Variants in FAM47E observed in about 807,000 individuals in gnomAD.
FAM47E encodes protein FAM47E.
Under a neutral mutation model 41.6 loss-of-function variants are expected in FAM47E, and 32 were observed. The ratio of observed to expected loss-of-function variants is 0.77; its 90% CI spans 0.58 to 1.03. FAM47E has a LOEUF of 1.03. Ranked by LOEUF, FAM47E falls within the 50% of genes least tolerant of loss-of-function variation. The pLI is 0.00. For missense variants in FAM47E, 424 were observed against 485.4 expected, an observed-to-expected ratio of 0.87 and a Z score of 1.19; for synonymous variants, 184 against 188.7, an observed-to-expected ratio of 0.98 and a Z score of 0.20.
intron 5 of FAM47E, among the ~76,000 whole-genome samples, chr4:76,274,272 G>C (rs761664044): frequency 1.3e-5 from 2 of 152,160 alleles, no homozygotes; most frequent in Non-Finnish European, 2.9e-5. Context: ...TTTGAGTTTT[G>C]CTTTTAAGAT....
chr4:76,235,149 C>T (rs1733562719), intron 2 of FAM47E, among the ~76,000 whole-genome samples: 1 of 152,060 alleles, frequency 6.6e-6, no homozygotes, highest in African/African-American at 2.4e-5. Flanking sequence ...AAACCCGTCC[C>T]TACTAAAAAA....
Position 76,268,746 on chromosome 4 carries a change from C to A in FAM47E, c.647C>A (p.Pro216His). The A allele has an allele frequency of 6.4e-7, 1 of 1,551,412 alleles. No individual in the cohort carries two copies. The highest frequency in any genetic ancestry group is 1.2e-5 in the South Asian group (1 of 84,032). Residue 216 changes from proline to histidine, a missense_variant, in exon 4 of 8, where the codon CCT (proline) becomes CAT (histidine). By Grantham distance (77) the Pro-to-His change is moderately conservative. Coordinates refer to ENST00000424749, the MANE Select transcript of FAM47E (RefSeq NM_001136570.3). ...ATGGATTTGCTCCATGAAAATGGTC[C>A]TCGTCCTGGTCTTCATGAAAATGTA... ...HKMDLLHENG[P>H]RPGLHENGIS...
At chr4:76,227,924 T>C (rs1409761616) in intron 2 of FAM47E, among the ~76,000 whole-genome samples, 1 of 152,236 alleles carries the variant, frequency 6.6e-6, no homozygotes, top group Non-Finnish European at 1.5e-5. Flanking sequence ...TGATTTCTTA[T>C]GCATTAGGTG....
chr4:76,268,585 G>C (rs1734743824), intron 3 of FAM47E, 75 bp from the exon 4 acceptor site: 5 of 1,419,934 alleles, frequency 3.5e-6, no homozygotes, highest in Non-Finnish European at 4.7e-6. Flanking sequence ...ATTTCCTTTT[G>C]CCTCTAAAAC....
intron 7 of FAM47E, chr4:76,282,073 T>C (rs1048777219): frequency 3.5e-5 from 4 of 115,376 alleles, no homozygotes; most frequent in African/African-American, 5.8e-5. Flanking sequence ...CATTTGTATG[T>C]AGAAGTACAG....
At chr4:76,262,461 A>G (rs1204797638) in intron 2 of FAM47E, among the ~76,000 whole-genome samples, 3 of 152,104 alleles carry the variant, frequency 2.0e-5, no homozygotes, top group East Asian at 1.9e-4. Flanking sequence ...ATTTTTTACA[A>G]TTCACTATGT....
At chr4:76,260,996 A>C (rs1333705972) in intron 2 of FAM47E, among the ~76,000 whole-genome samples, 3 of 152,114 alleles carry the variant, frequency 2.0e-5, no homozygotes. Context: ...AAAAAAAAAA[A>C]GTGTACAAAG....
At chr4:76,263,631 G>A (rs201506788) in intron 2 of FAM47E, 73 bp from the exon 3 acceptor site, 1 of 1,512,154 alleles carries the variant, frequency 6.6e-7, no homozygotes, top group South Asian at 1.3e-5. Flanking sequence ...AAGTTGGTCT[G>A]TTTTGTTGTA....
chr4:76,246,128 G>A (rs1276044718), intron 2 of FAM47E, among the ~76,000 whole-genome samples: 1 of 152,168 alleles, frequency 6.6e-6, no homozygotes, highest in East Asian at 1.9e-4. Context: ...ACAGTAAGCT[G>A]GTAAGCAAGG....
rs1735208815 is a variant in FAM47E, at chr4:76,278,217, A to G, written c.1019A>G (p.Gln340Arg). 1 of 1,538,790 alleles carries G rather than the reference A, an allele frequency of 6.5e-7. No individual in the cohort carries two copies. Among genetic ancestry groups the G allele is most frequent in the East Asian group, 2.4e-5 (1 of 40,838 alleles). ...GAGGAGAATTTTAAAAAGGAGCTGC[A>G]GGAACAGGTATGTATTTATACTGAG... ...AQEENFKKELQEQEELLADLH... is the reference protein window; with the variant it reads ...AQEENFKKELREQEELLADLH... The change falls in exon 6 of 8, where the codon CAG becomes CGG. Residue 340 changes from glutamine (Q) to arginine (R), a missense_variant. By Grantham distance (43) the Gln-to-Arg change is conservative (BLOSUM62 1). Transcript: ENST00000424749.
chr4:76,256,754 C>T (rs929613970), intron 2 of FAM47E, among the ~76,000 whole-genome samples: 1 of 152,156 alleles, frequency 6.6e-6, no homozygotes, highest in Non-Finnish European at 1.5e-5. Flanking sequence ...CTGTGAAGCC[C>T]TTCAATTTAC....
chr4:76,255,909 C>T (rs1244709295), intron 1 of FAM47E, among the ~76,000 whole-genome samples: 2 of 152,076 alleles, frequency 1.3e-5, no homozygotes, highest in East Asian at 3.8e-4. Context: ...GGCAGTTTTG[C>T]TTTTGCAAGG....
At position 76,251,742 on chromosome 4, in the gene FAM47E, C is replaced by T; in HGVS notation, c.-5C>T. On this transcript the variant is annotated 5_prime_UTR_variant, in exon 1 of 8. Transcript: ENST00000424749. ...CCGGACGGTGGCCGCGAAGCTAGGGCCACCATGGCGGACCGCAGGCGGCGG... is the reference window on the plus strand; with the variant it reads ...CCGGACGGTGGCCGCGAAGCTAGGGTCACCATGGCGGACCGCAGGCGGCGG... 6.8e-7 allele frequency: 1 copy of T among 1,480,104 alleles called. No individual in the cohort carries two copies. The highest frequency in any genetic ancestry group is 2.8e-5 in the East Asian group (1 of 35,658). 91.7% of individuals were successfully genotyped at this position (1,480,104 alleles called of 1,614,324 possible). A position where few individuals can be genotyped will look rare whatever the true frequency, so the allele number is the denominator to read the frequency against.
At chr4:76,223,385 A>T (rs1321009335) in intron 2 of FAM47E, among the ~76,000 whole-genome samples, 1 of 152,114 alleles carries the variant, frequency 6.6e-6, no homozygotes. Flanking sequence ...ATTGGGTCCT[A>T]CTTAGCCAGA....
At chr4:76,249,337 A>G (rs559090296), upstream of FAM47E, among the ~76,000 whole-genome samples, 16 of 152,242 alleles carry the variant, frequency 1.1e-4, no homozygotes, top group African/African-American at 3.9e-4. Flanking sequence ...TTTATTTATT[A>G]TTTGTTTGTT....
At chr4:76,235,171 A>G (rs1051084049) in intron 2 of FAM47E, among the ~76,000 whole-genome samples, 1 of 152,070 alleles carries the variant, frequency 6.6e-6, no homozygotes, top group African/African-American at 2.4e-5. Context: ...ACAAAAAATT[A>G]GCCGGGCGTG....
chr4:76,214,387 A>C, exon 1 of FAM47E: 2 of 438,248 alleles, frequency 4.6e-6, no homozygotes, highest in South Asian at 3.2e-5. Flanking sequence ...AAGATGTGCA[A>C]AAAAGGGAGG....
At chr4:76,228,260 A>T (rs992922473) in intron 2 of FAM47E, among the ~76,000 whole-genome samples, 1 of 152,002 alleles carries the variant, frequency 6.6e-6, no homozygotes, top group Non-Finnish European at 1.5e-5. Flanking sequence ...GGTGCAGATC[A>T]TTTGAGATCA....
upstream of FAM47E, among the ~76,000 whole-genome samples, chr4:76,246,904 T>G (rs555653080): frequency 6.6e-6 from 1 of 152,276 alleles, no homozygotes; most frequent in Admixed American, 6.5e-5. Context: ...CAAATTTCCT[T>G]CTTTTTTTGG....
Sources: allele counts gnomAD v4.1 joint callset (sites outside exome capture counted in the v4.1 genomes callset), GRCh38; gene constraint gnomAD v4.1.1; transcripts MANE v1.5; gene names NCBI Gene and HGNC (gene_info 2026-07-23, HGNC 2026-07-21).